Variants in KCNQ5 observed in about 807,000 individuals in gnomAD.
KCNQ5 encodes the protein potassium voltage-gated channel subfamily Q member 5.
KCNQ5 carries 30 observed loss-of-function variants against 98.2 expected under a neutral mutation model. The ratio of observed to expected loss-of-function variants is 0.31; its 90% CI spans 0.23 to 0.41. The LOEUF is 0.41. KCNQ5 is among the 10% of genes least tolerant of loss of function. The pLI is 1.00. For synonymous variants in KCNQ5, 458 were observed against 449.4 expected, an observed-to-expected ratio of 1.02 and a Z score of -0.24; for missense variants, 835 against 1,182.5, an observed-to-expected ratio of 0.71 and a Z score of 4.31.
chr6:72,820,225 A>G (rs1775689027), intron 1 of KCNQ5, among the ~76,000 whole-genome samples: 1 of 152,202 alleles, frequency 6.6e-6, no homozygotes, highest in African/African-American at 2.4e-5. Context: ...CACGGTTCCA[A>G]TTTGAAGTCC....
intron 1 of KCNQ5, chr6:72,806,805 A>G (rs1554165671): frequency 6.6e-6 from 3 of 452,114 alleles, no homozygotes; most frequent in South Asian, 3.1e-5. Context: ...ATGGTAAACC[A>G]CTGGACTGAA....
At chr6:72,738,739 C>T (rs1177980206) in intron 1 of KCNQ5, among the ~76,000 whole-genome samples, 2 of 152,036 alleles carry the variant, frequency 1.3e-5, no homozygotes, top group Non-Finnish European at 2.9e-5. Context: ...TAAGGTATCA[C>T]ATCGTGAAAA....
chr6:72,886,138 A>G (rs998754356), intron 1 of KCNQ5, among the ~76,000 whole-genome samples: 2 of 152,246 alleles, frequency 1.3e-5, no homozygotes, highest in Middle Eastern at 3.2e-3. Flanking sequence ...GACTCAGACC[A>G]TCAAAGATTG....
chr6:73,144,300 T>C (rs1776834707), intron 10 of KCNQ5, among the ~76,000 whole-genome samples: 1 of 152,186 alleles, frequency 6.6e-6, no homozygotes, highest in African/African-American at 2.4e-5. Context: ...TGCCATCTTT[T>C]TCTTCTTTTG....
At chr6:72,683,331 A>G (rs1767797033) in intron 1 of KCNQ5, among the ~76,000 whole-genome samples, 1 of 144,754 alleles carries the variant, frequency 6.9e-6, no homozygotes, top group Admixed American at 6.9e-5. Flanking sequence ...CTTTGGTGGG[A>G]GCTTGAAGCA....
chr6:73,024,799 C>T lies in KCNQ5; in HGVS notation c.490-17137C>T, dbSNP rs551783575. Among the ~76,000 whole-genome samples the T allele has an allele frequency of 7.9e-5, 12 of 152,258 alleles. No individual in the cohort carries two copies. In the East Asian group the frequency reaches 1.9e-3, roughly 24 times the overall value. ...GACAAAATGTGACCAAAGCAAATAA[C>T]GACATTCAAGTTGTATGAATCAGGC... On this transcript the variant is annotated intron_variant, in intron 2 of 13. Coordinates refer to ENST00000370398, the MANE Select transcript of KCNQ5 (RefSeq NM_019842.4).
intron 1 of KCNQ5, among the ~76,000 whole-genome samples, chr6:72,708,900 A>G (rs1020323201): frequency 2.0e-5 from 3 of 152,214 alleles, no homozygotes; most frequent in African/African-American, 4.8e-5. Flanking sequence ...TTTTGGCTCA[A>G]GTACTTTTCA....
chr6:73,147,086 T>C (rs1381457603), intron 10 of KCNQ5, among the ~76,000 whole-genome samples: 1 of 152,148 alleles, frequency 6.6e-6, no homozygotes, highest in African/African-American at 2.4e-5. Flanking sequence ...TAAATCCTAG[T>C]TCCCCCACTA....
intron 12 of KCNQ5, 51 bp from the exon 13 acceptor site, chr6:73,192,514 G>C: frequency 6.6e-7 from 1 of 1,509,394 alleles, no homozygotes; most frequent in Non-Finnish European, 8.9e-7. Flanking sequence ...TCTGACCTAG[G>C]GCAATCTCCA....
At chr6:72,780,648 G>A (rs561188642) in intron 1 of KCNQ5, among the ~76,000 whole-genome samples, 116 of 152,248 alleles carry the variant, frequency 7.6e-4, no homozygotes, top group African/African-American at 2.7e-3. Context: ...AAGACTTGGG[G>A]GGAGATATGA....
chr6:72,980,531 G>A (rs1325337317), intron 1 of KCNQ5, among the ~76,000 whole-genome samples: 1 of 152,208 alleles, frequency 6.6e-6, no homozygotes, highest in Non-Finnish European at 1.5e-5. Context: ...TTTGTATCCT[G>A]AGACTTTGCT....
chr6:73,000,277 C>A (rs1769503034), intron 1 of KCNQ5, among the ~76,000 whole-genome samples: 1 of 152,176 alleles, frequency 6.6e-6, no homozygotes, highest in Non-Finnish European at 1.5e-5. Context: ...TTTTCTCCAG[C>A]CAGAAAGTCT....
chr6:72,963,024 T>C (rs1029205180), intron 1 of KCNQ5, among the ~76,000 whole-genome samples: 4 of 152,182 alleles, frequency 2.6e-5, no homozygotes, highest in Admixed American at 6.5e-5. Flanking sequence ...GTTTATAAGC[T>C]GAAAGAGCCT....
At chr6:72,699,375 A>G (rs1007525376) in intron 1 of KCNQ5, among the ~76,000 whole-genome samples, 6 of 152,264 alleles carry the variant, frequency 3.9e-5, no homozygotes, top group Non-Finnish European at 8.8e-5. Context: ...ACAAACTGTC[A>G]TTTAGAGATT....
chr6:72,725,140 A>G (rs900604537), intron 1 of KCNQ5, among the ~76,000 whole-genome samples: 2 of 152,170 alleles, frequency 1.3e-5, no homozygotes, highest in Non-Finnish European at 1.5e-5. Context: ...TATAAAAAAA[A>G]TCTTAATAGA....
chr6:72,651,051 G>A (rs1218914932), intron 1 of KCNQ5, among the ~76,000 whole-genome samples: 1 of 152,068 alleles, frequency 6.6e-6, no homozygotes, highest in East Asian at 1.9e-4. Flanking sequence ...ATGATAAATT[G>A]TACCTTCTGT....
At chr6:72,644,025 AAC>A (rs1765463819) in intron 1 of KCNQ5, among the ~76,000 whole-genome samples, 1 of 152,166 alleles carries the variant, frequency 6.6e-6, no homozygotes, top group South Asian at 2.1e-4. Flanking sequence ...ATGAAAAAAA[AAC>A]ACACAAGGTA....
chr6:73,128,084 A>T lies in KCNQ5; in HGVS notation c.1247+3572A>T, dbSNP rs554304737. ...CATCTCAAAAAATAAAAAATAAAAT[A>T]AAATACAAGCCATTAATCTGAAGAA... On this transcript the variant is annotated intron_variant, in intron 9 of 13. Transcript: ENST00000370398. Among the ~76,000 whole-genome samples the T allele has an allele frequency of 3.0e-3, 451 of 151,946 alleles. 4 individuals carry two copies. The highest frequency in any genetic ancestry group is 0.01 in the African/African-American group (417 of 41,426).
chr6:73,003,983 T>A lies in KCNQ5; in HGVS notation c.474T>A (p.Ser158Arg). Reference sequence around the variant, plus strand: ...CTGAGCACACAAAATTGGCCTCAAGTTGCCTCTTGATCCTGGTAAGTGAAA... The same window carrying A: ...CTGAGCACACAAAATTGGCCTCAAGATGCCTCTTGATCCTGGTAAGTGAAA... ...TIPEHTKLASSCLLILEFVMI... is the reference protein window; with the variant it reads ...TIPEHTKLASRCLLILEFVMI... The change falls in exon 2 of 14, where the codon AGT (serine) becomes AGA (arginine). Residue 158 changes from serine (S) to arginine (R), a missense_variant. Coordinates refer to ENST00000370398, the MANE Select transcript of KCNQ5 (RefSeq NM_019842.4). 6.2e-7 allele frequency: 1 copy of A among 1,605,248 alleles called. No individual in the cohort carries two copies. The highest frequency in any genetic ancestry group is 8.5e-7 in the Non-Finnish European group (1 of 1,172,160).
Sources: allele counts gnomAD v4.1 joint callset (sites outside exome capture counted in the v4.1 genomes callset), GRCh38; gene constraint gnomAD v4.1.1; transcripts MANE v1.5; gene names NCBI Gene and HGNC (gene_info 2026-07-23, HGNC 2026-07-21).